PCDHGA6: variants seen among roughly 807,000 people sequenced by gnomAD.
The protein encoded by PCDHGA6 is protocadherin gamma subfamily A, 6.
In PCDHGA6, 41 loss-of-function variants were observed where a neutral mutation model predicts 60.6. The observed-to-expected ratio is 0.68, with a 90% CI of 0.53 to 0.88. PCDHGA6 has a LOEUF of 0.88. Ranked by LOEUF, PCDHGA6 falls within the 40% of genes least tolerant of loss-of-function variation. The pLI, the probability that PCDHGA6 is intolerant of heterozygous loss-of-function variation, is 0.00. For missense variants in PCDHGA6, 1,312 were observed against 1,203.0 expected (o/e 1.09, Z -1.34); for synonymous variants, 594 against 524.4 (o/e 1.13, Z -1.81).
intron 1 of PCDHGA6, chr5:141,412,979 C>A: frequency 1.8e-6 from 1 of 542,930 alleles, no homozygotes; most frequent in Non-Finnish European, 3.2e-6. Flanking sequence ...AAAACGCAGC[C>A]AGAGCTCAAT....
intron 1 of PCDHGA6, chr5:141,388,772 C>T (rs747075769): frequency 1.2e-6 from 2 of 1,613,798 alleles, no homozygotes; most frequent in Non-Finnish European, 1.7e-6. Flanking sequence ...ACTCTAACAC[C>T]GGGGAAATTA....
chr5:141,486,559 G>A lies in PCDHGA6; in HGVS notation c.2425-8248G>A. ...CTTTCTTTCAGAGGTCACATGAGGTGTTTGTTCCTGAGAACAATCGCCCAG... is the reference window on the plus strand; with the variant it reads ...CTTTCTTTCAGAGGTCACATGAGGTATTTGTTCCTGAGAACAATCGCCCAG... On this transcript the variant is annotated intron_variant, in intron 1 of 3. Transcript: ENST00000517434. This position sits in a 1 kb window ranked among gnomAD's most constrained non-coding sequence, Gnocchi z 5.0. 6.2e-7 allele frequency: 1 copy of A among 1,614,032 alleles called. No individual in the cohort carries two copies. Among genetic ancestry groups the A allele is most frequent in the Non-Finnish European group, 8.5e-7 (1 of 1,180,022 alleles).
chr5:141,435,855 G>A (rs1164301394), intron 1 of PCDHGA6, among the ~76,000 whole-genome samples: 1 of 152,006 alleles, frequency 6.6e-6, no homozygotes, highest in Non-Finnish European at 1.5e-5. Flanking sequence ...AGATACAATA[G>A]TTAAAACCCA....
At chr5:141,415,614 G>A (rs1476229913) in intron 1 of PCDHGA6, 1 of 1,612,128 alleles carries the variant, frequency 6.2e-7, no homozygotes, top group Admixed American at 1.7e-5. Flanking sequence ...TGGTTCCAGT[G>A]AGTTTTATTT....
At chr5:141,389,173 T>C (rs1339910343) in intron 1 of PCDHGA6, 15 of 1,613,844 alleles carry the variant, frequency 9.3e-6, no homozygotes, top group Non-Finnish European at 1.2e-5. Context: ...AAGCCTCCCC[T>C]CTCCTCCAGT....
intron 1 of PCDHGA6, among the ~76,000 whole-genome samples, chr5:141,469,375 G>C (rs942714664): frequency 2.0e-5 from 3 of 152,076 alleles, no homozygotes; most frequent in African/African-American, 7.2e-5. Flanking sequence ...AAGAGATCGA[G>C]ACCATCCTGG....
At chr5:141,388,935 C>T (rs1215680251) in intron 1 of PCDHGA6, 2 of 1,613,984 alleles carry the variant, frequency 1.2e-6, no homozygotes, top group South Asian at 1.1e-5. Flanking sequence ...CCAGTCTCTA[C>T]CCAACCTAAT....
chr5:141,394,007 A>G lies in PCDHGA6; in HGVS notation c.2424+17500A>G, dbSNP rs1230558462. The G allele has an allele frequency of 3.7e-6, 6 of 1,613,344 alleles. No homozygotes were observed. The East Asian group carries it at 1.3e-4, about 36-fold the overall frequency. Reference sequence around the variant, plus strand: ...TACCTTTTAAATTAGAAAAGTCAATAGGTAATTATTATAGATTAGTGACAA... The same window carrying G: ...TACCTTTTAAATTAGAAAAGTCAATGGGTAATTATTATAGATTAGTGACAA... On this transcript the variant is annotated intron_variant, in intron 1 of 3. Coordinates refer to ENST00000517434, the MANE Select transcript of PCDHGA6 (RefSeq NM_018919.3).
intron 1 of PCDHGA6, among the ~76,000 whole-genome samples, chr5:141,407,816 ATAT>A (rs1270765996): frequency 6.6e-6 from 1 of 152,228 alleles, no homozygotes; most frequent in Non-Finnish European, 1.5e-5. Context: ...ATCTACTATA[ATAT>A]TATGGTGAGA....
intron 1 of PCDHGA6, chr5:141,422,204 GAGGTCTCTTTACCA>G: frequency 6.4e-7 from 1 of 1,562,138 alleles, no homozygotes. Flanking sequence ...CAAGATGGTG[GAGGTCTCTTTACCA>G]CCACGACGAT....
Position 141,477,952 on chromosome 5 carries a change from A to C in PCDHGA6, c.2425-16855A>C, listed in dbSNP as rs907708638. The C allele has an allele frequency of 1.2e-6, 2 of 1,614,038 alleles. No individual in the cohort carries two copies. Among genetic ancestry groups the C allele is most frequent in the Non-Finnish European group, 1.7e-6 (2 of 1,180,002 alleles). Reference sequence around the variant, plus strand: ...CCTGGCTCTCCTACAGTCTCTTGGGATCCCCTAACCAGAGCCTTTTTGCCA... The same window carrying C: ...CCTGGCTCTCCTACAGTCTCTTGGGCTCCCCTAACCAGAGCCTTTTTGCCA... On this transcript the variant is annotated intron_variant, in intron 1 of 3. Coordinates refer to ENST00000517434, the MANE Select transcript of PCDHGA6 (RefSeq NM_018919.3). This position sits in a 1 kb window ranked among gnomAD's most constrained non-coding sequence, Gnocchi z 4.9.
chr5:141,400,067 A>G lies in PCDHGA6; in HGVS notation c.2424+23560A>G, dbSNP rs761746196. On this transcript the variant is annotated intron_variant, in intron 1 of 3. Coordinates refer to ENST00000517434, the MANE Select transcript of PCDHGA6 (RefSeq NM_018919.3). ...CTGGTTGCTGTGCGTGATGGTGGAC[A>G]GCCGCCACTCTCCGCCACCGCCACG... is the stretch of plus-strand genomic sequence containing the variant. 1.3e-5 allele frequency: 21 copies of G among 1,613,654 alleles called. No individual in the cohort carries two copies. The highest frequency in any genetic ancestry group is 1.7e-4 in the Middle Eastern group (1 of 5,998).
chr5:141,389,747 G>A (rs766506538), intron 1 of PCDHGA6: 38 of 1,612,722 alleles, frequency 2.4e-5, no homozygotes, highest in Admixed American at 2.2e-4. Context: ...GGCTGCGCAC[G>A]GGCGAAGTGC....
At position 141,511,393 on chromosome 5, in the gene PCDHGA6, C is replaced by G. The variant is rs1257680621; in HGVS notation, c.*220C>G. The G allele has an allele frequency of 2.8e-6, 3 of 1,067,816 alleles. No individual in the cohort carries two copies. The highest frequency in any genetic ancestry group is 3.9e-6 in the Non-Finnish European group (3 of 764,518). The allele number at this position is 1,067,816 out of a possible 1,614,324, so 66.1% of individuals were successfully genotyped here. A position where few individuals can be genotyped will look rare whatever the true frequency, so the allele number is the denominator to read the frequency against. On this transcript the variant is annotated 3_prime_UTR_variant, in exon 4 of 4. Coordinates refer to ENST00000517434, the MANE Select transcript of PCDHGA6 (RefSeq NM_018919.3). ...CAAAAGCAGTTCCGCTGGGAACCCC[C>G]ATCCAATCAACTGCTGTACCCATGG...
At position 141,511,187 on chromosome 5, in the gene PCDHGA6, C is replaced by T; in HGVS notation, c.*14C>T. The stretch of plus-strand genomic sequence containing the variant: ...GAGAAGAAGTAACATGGAGGCCAGG[C>T]CAAGAGCCACAGGGCGGCCTCTCCC... On this transcript the variant is annotated 3_prime_UTR_variant, in exon 4 of 4. Transcript: ENST00000517434. The T allele has an allele frequency of 1.2e-6, 2 of 1,613,868 alleles. No homozygotes were observed. The highest frequency in any genetic ancestry group is 1.7e-6 in the Non-Finnish European group (2 of 1,179,878).
chr5:141,453,387 G>A (rs1313174494), intron 1 of PCDHGA6, among the ~76,000 whole-genome samples: 1 of 151,936 alleles, frequency 6.6e-6, no homozygotes, highest in Non-Finnish European at 1.5e-5. Flanking sequence ...TCCTGCCTTA[G>A]CCTCCAAGTG....
At chr5:141,402,993 T>C (rs762604393) in intron 1 of PCDHGA6, 3 of 1,613,752 alleles carry the variant, frequency 1.9e-6, no homozygotes, top group Non-Finnish European at 2.5e-6. Context: ...GGAAGATTAG[T>C]CCTGCTATGC....
intron 1 of PCDHGA6, chr5:141,383,809 T>A: frequency 6.2e-7 from 1 of 1,613,966 alleles, no homozygotes; most frequent in South Asian, 1.1e-5. Context: ...AATATCAACT[T>A]TAGAAGGATT....
At chr5:141,418,349 A>G in intron 1 of PCDHGA6, 1 of 1,614,016 alleles carries the variant, frequency 6.2e-7, no homozygotes, top group South Asian at 1.1e-5. Context: ...TGATATTAGT[A>G]TGAATTCGCT....
Sources: gnomAD v4.1 joint callset for allele counts (sites outside exome capture counted in the v4.1 genomes callset) on GRCh38, gnomAD v4.1.1 for gene constraint, Gnocchi (gnomAD v3.1) non-coding constraint, MANE v1.5 for transcripts, NCBI Gene and HGNC (gene_info 2026-07-23, HGNC 2026-07-21) for gene names.